The following IPO11 variants were observed in gnomAD, a reference collection of about 807,000 sequenced individuals.
The protein encoded by IPO11 is importin 11.
In IPO11, 66 loss-of-function variants were observed where a neutral mutation model predicts 143.2. That is an observed-to-expected ratio of 0.46 (90% CI 0.38 to 0.57). IPO11 has a LOEUF of 0.57. IPO11 is among the 20% of genes least tolerant of loss of function. The pLI is 0.00. For synonymous variants in IPO11, 385 were observed against 377.8 expected, an observed-to-expected ratio of 1.02 and a Z score of -0.22; for missense variants, 1,026 against 1,141.0, an observed-to-expected ratio of 0.90 and a Z score of 1.45.
intron 7 of IPO11, among the ~76,000 whole-genome samples, chr5:62,471,965 T>A (rs927920612): frequency 4.6e-5 from 7 of 152,188 alleles, no homozygotes; most frequent in Non-Finnish European, 7.3e-5. Context: ...TTGATACATA[T>A]TACCAAATTG....
intron 15 of IPO11, among the ~76,000 whole-genome samples, chr5:62,492,854 A>ATGAGCAGTTTTTTCCTGTG (rs1267822527): frequency 1.3e-5 from 2 of 152,018 alleles, no homozygotes; most frequent in Non-Finnish European, 2.9e-5. Context: ...TGCAACTTTA[A>ATGAGCAGTTTTTTCCTGTG]TGAGCAGTTT....
chr5:62,620,025 C>T (rs76641332), intron 29 of IPO11, among the ~76,000 whole-genome samples: 14,119 of 152,064 alleles, frequency 0.093, 668 homozygotes, highest in South Asian at 0.16. Context: ...TTGAAATCCG[C>T]AGTCTTTAAG....
chr5:62,451,789 G>A lies in IPO11; in HGVS notation c.372G>A (p.Gln124=). 6.2e-7 allele frequency: 1 copy of A among 1,614,182 alleles called. No homozygotes were observed. The highest frequency in any genetic ancestry group is 8.5e-7 in the Non-Finnish European group (1 of 1,180,030). The change falls in exon 5 of 30, where the codon CAG becomes CAA. Residue 124 remains glutamine (Q), a synonymous_variant. Transcript: ENST00000325324. ...TTGCTAGATTGGATTGTCCCAGACA[G>A]TGGCCTGAACTAATTCCCACTCTTA... is the stretch of plus-strand genomic sequence containing the variant. ...AKVARLDCPR[Q]WPELIPTLIE...
chr5:62,609,096 TG>T (rs1234177141), intron 29 of IPO11, among the ~76,000 whole-genome samples: 1 of 152,126 alleles, frequency 6.6e-6, no homozygotes, highest in African/African-American at 2.4e-5. Flanking sequence ...ACCATGTTGG[TG>T]TGGGGAAGCA....
chr5:62,553,313 T>G (rs1238646259), intron 26 of IPO11, among the ~76,000 whole-genome samples: 1 of 146,664 alleles, frequency 6.8e-6, no homozygotes, highest in African/African-American at 2.6e-5. Context: ...GGTCGAATAG[T>G]ATTCGTGTGA....
At chr5:62,608,496 T>C (rs1745810037) in intron 29 of IPO11, among the ~76,000 whole-genome samples, 1 of 151,598 alleles carries the variant, frequency 6.6e-6, no homozygotes, top group African/African-American at 2.4e-5. Context: ...TGCCTCCTTT[T>C]AAACTTTGTC....
chr5:62,555,090 T>C (rs985226933), intron 26 of IPO11, among the ~76,000 whole-genome samples: 3 of 152,178 alleles, frequency 2.0e-5, no homozygotes, highest in Non-Finnish European at 4.4e-5. Flanking sequence ...CTTTGGCTAT[T>C]TGGGATTTTT....
At chr5:62,541,461 C>T (rs555122034) in intron 24 of IPO11, among the ~76,000 whole-genome samples, 1 of 152,040 alleles carries the variant, frequency 6.6e-6, no homozygotes, top group South Asian at 2.1e-4. Flanking sequence ...AGGCGGATCA[C>T]TTGATCTCAG....
At chr5:62,604,786 G>A (rs1456899361) in intron 29 of IPO11, among the ~76,000 whole-genome samples, 1 of 152,112 alleles carries the variant, frequency 6.6e-6, no homozygotes, top group African/African-American at 2.4e-5. Flanking sequence ...TCTTAGATAT[G>A]CTGAGGATAC....
chr5:62,437,883 A>G (rs1265698515), intron 2 of IPO11, among the ~76,000 whole-genome samples: 1 of 152,238 alleles, frequency 6.6e-6, no homozygotes, highest in Non-Finnish European at 1.5e-5. Context: ...CTTGGATATA[A>G]TGGGAAATGG....
chr5:62,561,199 C>T lies in IPO11; in HGVS notation c.2524C>T (p.Pro842Ser). ...TGATCGAATGGACAACATTACCCAG[C>T]CTGAAAGAAGAAAACTTTCAGCTTT... The part of the protein sequence containing the change: ...WVDRMDNITQ[P>S]ERRKLSALAL... The change falls in exon 27 of 30, where the codon CCT becomes TCT. Residue 842 changes from proline (P) to serine (S), a missense_variant. Physicochemically the swap from Pro to Ser is moderately conservative, Grantham distance 74. Transcript: ENST00000325324. 6.2e-7 allele frequency: 1 copy of T among 1,610,062 alleles called. No individual in the cohort carries two copies. Among genetic ancestry groups the T allele is most frequent in the Non-Finnish European group, 8.5e-7 (1 of 1,177,850 alleles).
chr5:62,453,643 T>G (rs1745021546), intron 5 of IPO11, among the ~76,000 whole-genome samples: 1 of 152,130 alleles, frequency 6.6e-6, no homozygotes, highest in African/African-American at 2.4e-5. Flanking sequence ...TGAGCTGTCT[T>G]CCATGTCAAA....
intron 27 of IPO11, chr5:62,562,341 C>T (rs1279924820): frequency 2.0e-5 from 3 of 152,444 alleles, no homozygotes; most frequent in African/African-American, 7.2e-5. Flanking sequence ...ACAGCGGTCC[C>T]CAGCCTTCTT....
At chr5:62,536,834 T>G (rs1292159726) in intron 23 of IPO11, 53 bp downstream of exon 23, 15 of 1,384,850 alleles carry the variant, frequency 1.1e-5, no homozygotes, top group Non-Finnish European at 1.4e-5. Context: ...TTATTTTGAT[T>G]ATTATTTGAA....
chr5:62,487,730 G>T (rs1353238289), intron 12 of IPO11, 41 bp from the exon 13 acceptor site: 1 of 1,503,592 alleles, frequency 6.7e-7, no homozygotes, highest in African/African-American at 1.4e-5. Flanking sequence ...AATATAGTAT[G>T]CAACTGTTTT....
At chr5:62,577,261 T>G (rs1048303379) in intron 27 of IPO11, among the ~76,000 whole-genome samples, 1 of 152,196 alleles carries the variant, frequency 6.6e-6, no homozygotes, top group African/African-American at 2.4e-5. Context: ...TTTAGTTTCC[T>G]TCAGTTTTTA....
At chr5:62,452,727 T>G (rs202174887) in intron 5 of IPO11, among the ~76,000 whole-genome samples, 351 of 17,566 alleles carry the variant, frequency 0.02, 4 homozygotes, top group Admixed American at 0.045. Context: ...TGGTGGGGTG[T>G]GTGTGTGTGT....
intron 5 of IPO11, among the ~76,000 whole-genome samples, chr5:62,466,156 G>A (rs905132283): frequency 6.6e-6 from 1 of 152,158 alleles, no homozygotes; most frequent in Non-Finnish European, 1.5e-5. Context: ...AGGATCACAG[G>A]ATGTTTTGCC....
chr5:62,439,058 CAA>C (rs201729033), intron 2 of IPO11, among the ~76,000 whole-genome samples: 25 of 73,682 alleles, frequency 3.4e-4, no homozygotes, highest in Middle Eastern at 9.3e-3. Context: ...GACTCCATCT[CAA>C]AAAAAAAAAA....
Sources: gnomAD v4.1 joint callset for allele counts (sites outside exome capture counted in the v4.1 genomes callset) on GRCh38, gnomAD v4.1.1 for gene constraint, MANE v1.5 for transcripts, NCBI Gene and HGNC (gene_info 2026-07-23, HGNC 2026-07-21) for gene names.